Variants in SLC28A3 observed in about 807,000 individuals in gnomAD.
SLC28A3 encodes the protein concentrative Na(+)-nucleoside cotransporter 3.
In SLC28A3, 68 loss-of-function variants were observed where a neutral mutation model predicts 84.2. The ratio of observed to expected loss-of-function variants is 0.81; its 90% CI spans 0.66 to 0.99. The LOEUF (loss-of-function observed/expected upper bound fraction) is 0.99. SLC28A3 is among the 50% of genes least tolerant of loss of function. The pLI is 0.00. For missense variants in SLC28A3, 712 were observed against 841.5 expected, an observed-to-expected ratio of 0.85 and a Z score of 1.90; for synonymous variants, 267 against 303.6, an observed-to-expected ratio of 0.88 and a Z score of 1.25.
chr9:84,318,295 GT>G (rs1304420531), intron 1 of SLC28A3, among the ~76,000 whole-genome samples: 1 of 152,142 alleles, frequency 6.6e-6, no homozygotes, highest in Non-Finnish European at 1.5e-5. Flanking sequence ...GGGGCTCACT[GT>G]TACCTTTCAA....
chr9:84,309,628 C>T lies in SLC28A3; in HGVS notation c.242+1G>A, dbSNP rs753093614. 16 of 1,611,230 alleles carry T rather than the reference C, an allele frequency of 9.9e-6. No homozygotes were observed. The highest frequency in any genetic ancestry group is 1.0e-5 in the Non-Finnish European group (12 of 1,178,646). On this transcript the variant is annotated splice_donor_variant, in intron 3 of 17. Transcript: ENST00000376238. LOFTEE classifies it high-confidence loss of function. ...TTATTTCCCTGTTTTAAAGACTGTACCCTTTTTGTTGCATCTCCTCATCAT... is the reference window on the plus strand; with the variant it reads ...TTATTTCCCTGTTTTAAAGACTGTATCCTTTTTGTTGCATCTCCTCATCAT...
the SLC28A3 span, among the ~76,000 whole-genome samples, chr9:84,356,569 C>T: frequency 3.9e-5 from 6 of 152,052 alleles, no homozygotes; most frequent in East Asian, 1.9e-4. Context: ...AGGTGGCTCA[C>T]GCTCGTAATC....
intron 12 of SLC28A3, among the ~76,000 whole-genome samples, chr9:84,286,716 A>G (rs1302532650): frequency 6.6e-6 from 1 of 152,134 alleles, no homozygotes; most frequent in Non-Finnish European, 1.5e-5. Context: ...AACCAACAAC[A>G]AACCAATGAT....
chr9:84,278,689 T>G (rs1041039786), intron 17 of SLC28A3, among the ~76,000 whole-genome samples: 3 of 152,276 alleles, frequency 2.0e-5, no homozygotes, highest in Middle Eastern at 6.8e-3. Context: ...ACTGGTAGTT[T>G]CTTGTTCACC....
chr9:84,341,035 G>C (rs112876886), upstream of SLC28A3, among the ~76,000 whole-genome samples: 1 of 148,788 alleles, frequency 6.7e-6, no homozygotes, highest in Admixed American at 6.7e-5. Flanking sequence ...GTGCAGTGAC[G>C]CAATCTCGGT....
intron 2 of SLC28A3, among the ~76,000 whole-genome samples, chr9:84,311,535 G>T (rs1588599565): frequency 6.6e-6 from 1 of 152,064 alleles, no homozygotes; most frequent in African/African-American, 2.4e-5. Flanking sequence ...GTAGTATCAG[G>T]CATACTAGTT....
intron 12 of SLC28A3, among the ~76,000 whole-genome samples, chr9:84,286,424 C>T (rs1294938176): frequency 2.8e-5 from 4 of 144,844 alleles, no homozygotes; most frequent in Admixed American, 1.4e-4. Context: ...TCCTGAATAG[C>T]ATGTGTGCCA....
intron 1 of SLC28A3, among the ~76,000 whole-genome samples, chr9:84,318,521 G>A (rs1409266013): frequency 1.3e-5 from 2 of 152,166 alleles, no homozygotes; most frequent in African/African-American, 4.8e-5. Context: ...AAAACTTAAA[G>A]GAAGGTTTAT....
intron 1 of SLC28A3, among the ~76,000 whole-genome samples, chr9:84,329,510 GT>G (rs1826695255): frequency 6.6e-6 from 1 of 152,060 alleles, no homozygotes; most frequent in African/African-American, 2.4e-5. Context: ...GAAAGATAAT[GT>G]GTCTTCCCCA....
intron 4 of SLC28A3, among the ~76,000 whole-genome samples, chr9:84,304,465 A>C (rs545269900): frequency 5.7e-4 from 87 of 152,130 alleles, no homozygotes; most frequent in Middle Eastern, 3.4e-3. Context: ...GTACAACAAA[A>C]AAAAAAAACA....
At position 84,326,633 on chromosome 9, in the gene SLC28A3, A is replaced by AAAC. The variant is rs34082643; in HGVS notation, c.61-13182_61-13180dup. ...CTGTCTAGGCCTATAGATGGATTAA[A>AAAC]AACAACAACAACAACAACAACAACA... On this transcript the variant is annotated intron_variant, in intron 1 of 17. Transcript: ENST00000376238. Among the ~76,000 whole-genome samples the AAAC allele has an allele frequency of 9.5e-3, 1,404 of 148,278 alleles. 8 individuals are homozygous for AAAC. Among genetic ancestry groups the AAAC allele is most frequent in the African/African-American group, 0.013 (502 of 39,964 alleles).
At chr9:84,293,872 G>A (rs1000700735) in intron 9 of SLC28A3, among the ~76,000 whole-genome samples, 9 of 152,106 alleles carry the variant, frequency 5.9e-5, no homozygotes, top group African/African-American at 1.7e-4. Flanking sequence ...AGCACAGGGC[G>A]GTTAACCAAG....
chr9:84,366,083 T>G, the SLC28A3 span, among the ~76,000 whole-genome samples: 1 of 151,864 alleles, frequency 6.6e-6, no homozygotes, highest in Admixed American at 6.6e-5. Flanking sequence ...ATTGGGTGCA[T>G]TCGGGGTGGT....
the SLC28A3 span, among the ~76,000 whole-genome samples, chr9:84,356,646 A>G: frequency 5.3e-5 from 8 of 152,278 alleles, no homozygotes; most frequent in East Asian, 1.2e-3. Context: ...CCAGGCCAAT[A>G]TGGTGAAACC....
chr9:84,331,614 C>G (rs1826792088), intron 1 of SLC28A3, among the ~76,000 whole-genome samples: 1 of 152,154 alleles, frequency 6.6e-6, no homozygotes, highest in African/African-American at 2.4e-5. Context: ...TAGTCCTCTC[C>G]CAAGACTTTC....
At chr9:84,284,855 C>T (rs1022410215) in intron 14 of SLC28A3, among the ~76,000 whole-genome samples, 6 of 152,174 alleles carry the variant, frequency 3.9e-5, no homozygotes, top group Non-Finnish European at 7.3e-5. Flanking sequence ...CACTAACTCT[C>T]GAGGATGTCC....
intron 14 of SLC28A3, among the ~76,000 whole-genome samples, chr9:84,281,998 C>T (rs1824770931): frequency 6.6e-6 from 1 of 152,078 alleles, no homozygotes; most frequent in Non-Finnish European, 1.5e-5. Flanking sequence ...AAACATTAGC[C>T]AGGCATGATG....
intron 16 of SLC28A3, among the ~76,000 whole-genome samples, chr9:84,279,735 G>A (rs776965651): frequency 3.2e-4 from 49 of 152,242 alleles, no homozygotes; most frequent in Non-Finnish European, 5.6e-4. Flanking sequence ...GATTACAGGC[G>A]TAAGCCACTG....
Position 84,313,342 on chromosome 9 carries a change from C to T in SLC28A3, c.156+17G>A, listed in dbSNP as rs1826055837. The stretch of plus-strand genomic sequence containing the variant: ...GCTGCCATGGTACTAGAGTCATGCA[C>T]CACAGTCTTGCTGTACCTGTTTGGT... On this transcript the variant is annotated intron_variant, in intron 2 of 17. Coordinates refer to ENST00000376238, the MANE Select transcript of SLC28A3 (RefSeq NM_001199633.2). 2 of 1,612,270 alleles carry T rather than the reference C, an allele frequency of 1.2e-6. No individual in the cohort carries two copies. Among genetic ancestry groups the T allele is most frequent in the Non-Finnish European group, 1.7e-6 (2 of 1,178,794 alleles).
Sources: allele counts gnomAD v4.1 joint callset (sites outside exome capture counted in the v4.1 genomes callset), GRCh38; gene constraint gnomAD v4.1.1; transcripts MANE v1.5; gene names NCBI Gene and HGNC (gene_info 2026-07-23, HGNC 2026-07-21).